Variants in KCNQ1 observed in about 807,000 individuals in gnomAD.
KCNQ1 encodes the protein potassium voltage-gated channel subfamily KQT member 1.
A neutral mutation model predicts 72.4 loss-of-function variants in KCNQ1; 49 were observed. That is an observed-to-expected ratio of 0.68 (90% confidence interval 0.54 to 0.86). KCNQ1 has a LOEUF of 0.86. KCNQ1 is among the 40% of genes least tolerant of loss of function. The probability of loss-of-function intolerance (pLI) is 0.00; values close to 1 mark genes in which losing one functional copy is unlikely to be tolerated. For synonymous variants in KCNQ1, 450 were observed against 412.6 expected, an observed-to-expected ratio of 1.09 and a Z score of -1.10; for missense variants, 790 against 945.1, an observed-to-expected ratio of 0.84 and a Z score of 2.15.
At chr11:2,756,131 G>A (rs1252830178) in intron 11 of KCNQ1, among the ~76,000 whole-genome samples, 2 of 152,192 alleles carry the variant, frequency 1.3e-5, no homozygotes, top group Non-Finnish European at 2.9e-5. Context: ...CTCCAAGGTG[G>A]TGAATTCACA....
intron 10 of KCNQ1, chr11:2,619,918 G>A: frequency 2.5e-6 from 1 of 398,186 alleles, no homozygotes. Context: ...ATGGTATATG[G>A]AGTATACTGC....
intron 6 of KCNQ1, among the ~76,000 whole-genome samples, chr11:2,573,793 G>A (rs1365904320): frequency 6.6e-6 from 1 of 152,218 alleles, no homozygotes; most frequent in East Asian, 1.9e-4. Context: ...CGTGTCTGTG[G>A]GGGCTTCCTT....
Position 2,687,400 on chromosome 11 carries a change from G to C in KCNQ1, c.1514+25319G>C, listed in dbSNP as rs952582767. ...GGGCTGAGCTCTGCTGAAGGATCTGGGAGGTCAGTAGGCACCTGTGTCCAC... is the reference window on the plus strand; with the variant it reads ...GGGCTGAGCTCTGCTGAAGGATCTGCGAGGTCAGTAGGCACCTGTGTCCAC... On this transcript the variant is annotated intron_variant, in intron 11 of 15. Transcript: ENST00000155840. This position sits in a 1 kb window ranked among gnomAD's most constrained non-coding sequence, Gnocchi z 5.0. 1.0e-5 allele frequency: 4 copies of C among 398,630 alleles called. No homozygotes were observed. The highest frequency in any genetic ancestry group is 2.1e-5 in the African/African-American group (1 of 48,734). 24.7% of individuals were successfully genotyped at this position (398,630 alleles called of 1,614,324 possible).
In KCNQ1 at chr11:2,647,984, C is replaced by T. The variant is rs1345636579; in HGVS notation, c.1394-13977C>T. ...AACCCAGTACTTTGGAAGGCCAAGG[C>T]AGGCCGATCGCTTGAGTCCAGGAGT... is the stretch of plus-strand genomic sequence containing the variant. On this transcript the variant is annotated intron_variant, in intron 10 of 15. Coordinates refer to ENST00000155840, the MANE Select transcript of KCNQ1 (RefSeq NM_000218.3). The surrounding 1 kb of genome is among the most constrained non-coding windows in gnomAD (Gnocchi z 4.0). 1.3e-5 allele frequency: 5 copies of T among 396,950 alleles called. No homozygotes were observed. Among genetic ancestry groups the T allele is most frequent in the African/African-American group, 6.2e-5 (3 of 48,172 alleles). 24.6% of individuals were successfully genotyped at this position (396,950 alleles called of 1,614,324 possible).
At position 2,809,699 on chromosome 11, in the gene KCNQ1, C is replaced by G. The variant is rs145632049; in HGVS notation, c.1794+31662C>G. Among the ~76,000 whole-genome samples the G allele has an allele frequency of 1.3e-4, 19 of 150,754 alleles. No homozygotes were observed. The highest frequency in any genetic ancestry group is 3.7e-4 in the African/African-American group (15 of 40,768). ...TGCTATCCTCCTGTGCACTGTTGGC[C>G]TTTATCATCTCCACCACGTGCTCAA... On this transcript the variant is annotated intron_variant, in intron 15 of 15. Transcript: ENST00000155840. This position sits in a 1 kb window ranked among gnomAD's most constrained non-coding sequence, Gnocchi z 7.1.
At chr11:2,552,960 C>A (rs72847684) in intron 2 of KCNQ1, among the ~76,000 whole-genome samples, 1,553 of 152,284 alleles carry the variant, frequency 0.01, 12 homozygotes, top group Non-Finnish European at 0.017. Flanking sequence ...GTGAAACTTG[C>A]TAGATTTGTT....
intron 10 of KCNQ1, chr11:2,656,982 A>G: frequency 5.0e-6 from 2 of 398,596 alleles, no homozygotes; most frequent in East Asian, 3.6e-5. Context: ...TGAAAAGTCC[A>G]TGCTCTTCCC....
chr11:2,648,023 G>A (rs1488508296), intron 10 of KCNQ1: 1 of 394,616 alleles, frequency 2.5e-6, no homozygotes, highest in Non-Finnish European at 4.4e-6. Flanking sequence ...AGACCAGCCT[G>A]AGCAACATGG....
chr11:2,447,124 G>T lies in KCNQ1; in HGVS notation c.386+1640G>T, dbSNP rs1846050254. On this transcript the variant is annotated intron_variant, in intron 1 of 15. Coordinates refer to ENST00000155840, the MANE Select transcript of KCNQ1 (RefSeq NM_000218.3). This position sits in a 1 kb window ranked among gnomAD's most constrained non-coding sequence, Gnocchi z 7.6. ...CTCCGGGCTCACTGCAGCCACCCGTGTGGAGGAAGAGGAGGAAGAGGGCTC... is the reference window on the plus strand; with the variant it reads ...CTCCGGGCTCACTGCAGCCACCCGTTTGGAGGAAGAGGAGGAAGAGGGCTC... Among the ~76,000 whole-genome samples, 1 of 152,216 alleles carries T rather than the reference G, an allele frequency of 6.6e-6. No individual in the cohort carries two copies. Among genetic ancestry groups the T allele is most frequent in the Admixed American group, 6.5e-5 (1 of 15,288 alleles).
At chr11:2,529,900 G>A (rs1019911074) in intron 2 of KCNQ1, among the ~76,000 whole-genome samples, 6 of 152,188 alleles carry the variant, frequency 3.9e-5, no homozygotes, top group Admixed American at 6.5e-5. Flanking sequence ...GATGCCTGGC[G>A]TGGTTTTACG....
chr11:2,476,881 G>A (rs372262200), intron 1 of KCNQ1, among the ~76,000 whole-genome samples: 1 of 152,086 alleles, frequency 6.6e-6, no homozygotes, highest in Admixed American at 6.6e-5. Context: ...AGAGACAAAG[G>A]TTTCATTATG....
chr11:2,730,297 G>T (rs773637915), intron 11 of KCNQ1, among the ~76,000 whole-genome samples: 25 of 152,224 alleles, frequency 1.6e-4, no homozygotes, highest in Non-Finnish European at 2.9e-4. Flanking sequence ...CTGCTGTAAT[G>T]AATTCCCACA....
Position 2,677,039 on chromosome 11 carries a change from T to C in KCNQ1, c.1514+14958T>C. On this transcript the variant is annotated intron_variant, in intron 11 of 15. Coordinates refer to ENST00000155840, the MANE Select transcript of KCNQ1 (RefSeq NM_000218.3). The surrounding 1 kb of genome is among the most constrained non-coding windows in gnomAD (Gnocchi z 4.5). ...GGAACAGATCCTCTGTTGATGGATA[T>C]GTAGGGCAGCTAAAAAACAGCAGCC... The C allele has an allele frequency of 2.5e-6, 1 of 398,634 alleles. No individual in the cohort carries two copies. The highest frequency in any genetic ancestry group is 4.4e-6 in the Non-Finnish European group (1 of 226,056). The allele number at this position is 398,634 out of a possible 1,614,324, so 24.7% of individuals were successfully genotyped here. A position where few individuals can be genotyped will look rare whatever the true frequency, so the allele number is the denominator to read the frequency against.
Position 2,690,451 on chromosome 11 carries a change from A to G in KCNQ1, c.1514+28370A>G, listed in dbSNP as rs1396420793. 3 of 398,512 alleles carry G rather than the reference A, an allele frequency of 7.5e-6. No homozygotes were observed. Among genetic ancestry groups the G allele is most frequent in the African/African-American group, 6.2e-5 (3 of 48,638 alleles). The allele number at this position is 398,512 out of a possible 1,614,324, so 24.7% of individuals were successfully genotyped here. A position where few individuals can be genotyped will look rare whatever the true frequency, so the allele number is the denominator to read the frequency against. The stretch of plus-strand genomic sequence containing the variant: ...CTGGGAGCTAGAGCTGGGTTAAGAT[A>G]AGAGCAGAGACTGGGTCCTGGGAAC... On this transcript the variant is annotated intron_variant, in intron 11 of 15. Coordinates refer to ENST00000155840, the MANE Select transcript of KCNQ1 (RefSeq NM_000218.3). This position sits in a 1 kb window ranked among gnomAD's most constrained non-coding sequence, Gnocchi z 5.1.
At chr11:2,546,364 A>C (rs764548559) in intron 2 of KCNQ1, among the ~76,000 whole-genome samples, 3 of 152,214 alleles carry the variant, frequency 2.0e-5, no homozygotes, top group Non-Finnish European at 4.4e-5. Context: ...AATATGATTT[A>C]TCTTGGTAAA....
At chr11:2,675,386 A>C (rs1850276099) in intron 11 of KCNQ1, 1 of 398,528 alleles carries the variant, frequency 2.5e-6, no homozygotes. Flanking sequence ...ACATTTAAAC[A>C]CAGATATTGG....
chr11:2,530,918 A>G (rs179431), intron 2 of KCNQ1, among the ~76,000 whole-genome samples: 97,096 of 152,000 alleles, frequency 0.64, 32,153 homozygotes, highest in Non-Finnish European at 0.73. Context: ...TGCCTGTCCC[A>G]TCCCTCACGT....
rs1849649548 is a variant in KCNQ1, at chr11:2,645,328, G to C, written c.1394-16633G>C. 2.5e-6 allele frequency: 1 copy of C among 398,758 alleles called. No homozygotes were observed. The highest frequency in any genetic ancestry group is 4.4e-6 in the Non-Finnish European group (1 of 226,198). The allele number at this position is 398,758 out of a possible 1,614,324, so 24.7% of individuals were successfully genotyped here. On this transcript the variant is annotated intron_variant, in intron 10 of 15. Transcript: ENST00000155840. This position sits in a 1 kb window ranked among gnomAD's most constrained non-coding sequence, Gnocchi z 5.8. ...GGTGCCAACAATACTGGATAGGGCA[G>C]GGTGATCCCTAGGCCCAGAGATGGT...
At chr11:2,632,258 A>G (rs753688628) in intron 10 of KCNQ1, 21 of 397,840 alleles carry the variant, frequency 5.3e-5, no homozygotes, top group Non-Finnish European at 9.3e-5. Context: ...TTGCTGAATT[A>G]ATTTATTCAG....
Sources: allele counts gnomAD v4.1 joint callset (sites outside exome capture counted in the v4.1 genomes callset), GRCh38; gene constraint gnomAD v4.1.1; non-coding constraint Gnocchi (gnomAD v3.1); transcripts MANE v1.5; gene names NCBI Gene and HGNC (gene_info 2026-07-23, HGNC 2026-07-21).